The following NCBP2 variants were observed in gnomAD, a reference collection of about 807,000 sequenced individuals.
NCBP2 encodes the protein nuclear cap-binding protein subunit 2.
In NCBP2, 8 loss-of-function variants were observed where a neutral mutation model predicts 21.5. The ratio of observed to expected loss-of-function variants is 0.37; its 90% CI spans 0.22 to 0.67. The LOEUF (loss-of-function observed/expected upper bound fraction) is 0.67, where lower values mean the gene tolerates loss of function less well. NCBP2 is among the 30% of genes least tolerant of loss of function. The pLI, the probability that NCBP2 is intolerant of heterozygous loss-of-function variation, is 0.56. For missense variants in NCBP2, 127 were observed against 206.9 expected (o/e 0.61, Z 2.37); for synonymous variants, 92 against 75.8 (o/e 1.21, Z -1.11).
At chr3:196,941,714 C>A (rs1349886839) in intron 1 of NCBP2, 32 of 601,028 alleles carry the variant, frequency 5.3e-5, no homozygotes, top group Non-Finnish European at 8.4e-5. Context: ...CCTACCTCCG[C>A]TGATACTGAA....
At position 196,942,466 on chromosome 3, in the gene NCBP2, G is replaced by A; in HGVS notation, c.38C>T (p.Ser13Phe). Residue 13 changes from serine (S) to phenylalanine (F), a missense_variant, in exon 1 of 4, where the codon TCC becomes TTC. Ser to Phe is a radical substitution (Grantham distance 155). Coordinates refer to ENST00000321256, the MANE Select transcript of NCBP2 (RefSeq NM_007362.5). ...GGLLKALRSD[S>F]YVELSQYRDQ... ...CCGGTACTGGCTCAGCTCCACGTAG[G>A]AGTCGCTGCGCAGCGCCTTCAGGAG... The A allele has an allele frequency of 6.2e-7, 1 of 1,613,312 alleles. No individual in the cohort carries two copies. Among genetic ancestry groups the A allele is most frequent in the Non-Finnish European group, 8.5e-7 (1 of 1,179,948 alleles).
Position 196,937,213 on chromosome 3 carries a change from T to A in NCBP2, c.400-131A>T, listed in dbSNP as rs565540624. The stretch of plus-strand genomic sequence containing the variant: ...ATGTGAACATTTCAAGCAGGACATA[T>A]GCACTTCAGCTCACTTCAGTGCGTT... On this transcript the variant is annotated intron_variant, in intron 3 of 3. Transcript: ENST00000321256. The A allele has an allele frequency of 3.7e-5, 35 of 953,552 alleles. No individual in the cohort carries two copies. In the African/African-American group the frequency reaches 4.8e-4, roughly 13 times the overall value. 59.1% of individuals were successfully genotyped at this position (953,552 alleles called of 1,614,324 possible). A position where few individuals can be genotyped will look rare whatever the true frequency, so the allele number is the denominator to read the frequency against.
intron 2 of NCBP2, 197 bp from the exon 3 acceptor site, chr3:196,937,845 GC>G: frequency 1.7e-6 from 1 of 596,116 alleles, no homozygotes; most frequent in Non-Finnish European, 2.9e-6. Context: ...CGTATCCATG[GC>G]TACACTGATC....
rs907074213 is a variant in NCBP2, at chr3:196,935,743, A to T, written c.*1268T>A. The T allele has an allele frequency of 1.2e-4, 18 of 152,148 alleles. No homozygotes were observed. Among genetic ancestry groups the T allele is most frequent in the Non-Finnish European group, 1.8e-4 (12 of 68,040 alleles). 9.4% of individuals were successfully genotyped at this position (152,148 alleles called of 1,614,324 possible). A position where few individuals can be genotyped will look rare whatever the true frequency, so the allele number is the denominator to read the frequency against. ...TTGTTGCTAAGTGAAAAAAATGCAC[A>T]TTTTTTCATATCAGGGAAAATTATA... On this transcript the variant is annotated 3_prime_UTR_variant, in exon 4 of 4. Transcript: ENST00000321256.
At chr3:196,938,015 A>T (rs1716347270) in intron 2 of NCBP2, 1 of 186,970 alleles carries the variant, frequency 5.3e-6, no homozygotes, top group Non-Finnish European at 1.1e-5. Flanking sequence ...AGAGAAGGTC[A>T]CCGTGCACGT....
Position 196,936,671 on chromosome 3 carries a change from T to C in NCBP2, c.*340A>G, listed in dbSNP as rs1196006594. ...TCATGAACCTACTTAAGACTCATTA[T>C]GGTAAAAACAAATTCTTACATTTTT... On this transcript the variant is annotated 3_prime_UTR_variant, in exon 4 of 4. Coordinates refer to ENST00000321256, the MANE Select transcript of NCBP2 (RefSeq NM_007362.5). The C allele has an allele frequency of 6.5e-6, 2 of 308,062 alleles. No homozygotes were observed. The highest frequency in any genetic ancestry group is 7.7e-5 in the East Asian group (1 of 13,064). The allele number at this position is 308,062 out of a possible 1,614,324, so 19.1% of individuals were successfully genotyped here.
chr3:196,937,299 A>G (rs1342584856), intron 3 of NCBP2: 1 of 803,218 alleles, frequency 1.2e-6, no homozygotes, highest in African/African-American at 1.7e-5. Flanking sequence ...GAAGTTCAAG[A>G]ATGGTTGCTT....
At chr3:196,941,961 T>G in intron 1 of NCBP2, 1 of 1,536,260 alleles carries the variant, frequency 6.5e-7, no homozygotes, top group Non-Finnish European at 8.7e-7. Flanking sequence ...AACACCATCC[T>G]CCCAGAGAAG....
intron 3 of NCBP2, 162 bp from the exon 4 acceptor site, chr3:196,937,244 T>C: frequency 1.2e-6 from 1 of 825,800 alleles, no homozygotes. Context: ...GCGTTTTGCT[T>C]TCATTTTAGA....
In NCBP2 at chr3:196,942,404, C is replaced by G. The variant is rs1226841620; in HGVS notation, c.78+22G>C. 3 of 1,609,496 alleles carry G rather than the reference C, an allele frequency of 1.9e-6. No individual in the cohort carries two copies. The African/African-American group carries it at 4.0e-5, about 21-fold the overall frequency. Reference sequence around the variant, plus strand: ...GCGTTCTTGCCCAGGGCCTTCCCGTCTCGCGGCCCGGCCTCCCTCACCCGG... The same window carrying G: ...GCGTTCTTGCCCAGGGCCTTCCCGTGTCGCGGCCCGGCCTCCCTCACCCGG... On this transcript the variant is annotated intron_variant, in intron 1 of 3. Coordinates refer to ENST00000321256, the MANE Select transcript of NCBP2 (RefSeq NM_007362.5).
Position 196,942,101 on chromosome 3 carries a change from G to C in NCBP2, c.78+325C>G, listed in dbSNP as rs73891595. Reference sequence around the variant, plus strand: ...GGGCACCCCTCCCCCTTGCTACGTAGTCGTCTGCGGAGGCACAACCGTGGA... The same window carrying C: ...GGGCACCCCTCCCCCTTGCTACGTACTCGTCTGCGGAGGCACAACCGTGGA... On this transcript the variant is annotated intron_variant, in intron 1 of 3. Transcript: ENST00000321256. The C allele has an allele frequency of 1.5e-3, 2,264 of 1,487,814 alleles. 25 individuals carry two copies. In the African/African-American group the frequency reaches 0.029, roughly 19 times the overall value. The allele number at this position is 1,487,814 out of a possible 1,614,324, so 92.2% of individuals were successfully genotyped here. A position where few individuals can be genotyped will look rare whatever the true frequency, so the allele number is the denominator to read the frequency against.
In NCBP2 at chr3:196,939,186, T is replaced by C. The variant is rs750852159; in HGVS notation, c.260+65A>G. ...AACGTAGGGACGAGTGCAGGGACGC[T>C]TATGAGCTACCACTCTCAGCTCTAC... On this transcript the variant is annotated intron_variant, in intron 2 of 3. Coordinates refer to ENST00000321256, the MANE Select transcript of NCBP2 (RefSeq NM_007362.5). The C allele has an allele frequency of 7.5e-6, 11 of 1,459,238 alleles. No homozygotes were observed. In the East Asian group the frequency reaches 2.0e-4, roughly 27 times the overall value. The allele number at this position is 1,459,238 out of a possible 1,614,324, so 90.4% of individuals were successfully genotyped here.
intron 2 of NCBP2, chr3:196,938,525 A>G (rs940869496): frequency 1.3e-5 from 2 of 152,262 alleles, no homozygotes; most frequent in African/African-American, 4.8e-5. Context: ...CAATACTTAA[A>G]AGAGTCTGAG....
chr3:196,941,577 G>C lies in NCBP2; in HGVS notation c.78+849C>G, dbSNP rs1335501612. ...CTACAGGGGATTATGAGCTCGCAGA[G>C]CGCAGAAACTGTCTTCCCTCTCCCT... On this transcript the variant is annotated intron_variant, in intron 1 of 3. Coordinates refer to ENST00000321256, the MANE Select transcript of NCBP2 (RefSeq NM_007362.5). 1.1e-5 allele frequency: 4 copies of C among 363,930 alleles called. 1 individual carries two copies. The highest frequency in any genetic ancestry group is 2.0e-5 in the Non-Finnish European group (4 of 199,676). The allele number at this position is 363,930 out of a possible 1,614,324, so 22.5% of individuals were successfully genotyped here. A position where few individuals can be genotyped will look rare whatever the true frequency, so the allele number is the denominator to read the frequency against.
chr3:196,938,184 G>T (rs2108879297), intron 2 of NCBP2: 1 of 152,458 alleles, frequency 6.6e-6, no homozygotes, highest in South Asian at 2.1e-4. Context: ...AAACCATCTG[G>T]AGAAACTAGT....
At chr3:196,940,802 G>A (rs1716509801) in intron 1 of NCBP2, among the ~76,000 whole-genome samples, 1 of 152,256 alleles carries the variant, frequency 6.6e-6, no homozygotes, top group Non-Finnish European at 1.5e-5. Flanking sequence ...AGTGGTAGAA[G>A]TGCAAATCAT....
chr3:196,936,176 GC>G lies in NCBP2; in HGVS notation c.*834del, dbSNP rs1408320153. ...GAGGTTCCCTCTATGACAAACCCTT[GC>G]TTTTTTTTAGCTTTAGGTATAACAC... On this transcript the variant is annotated 3_prime_UTR_variant, in exon 4 of 4. Coordinates refer to ENST00000321256, the MANE Select transcript of NCBP2 (RefSeq NM_007362.5). 6.6e-6 allele frequency: 1 copy of G among 152,002 alleles called. No individual in the cohort carries two copies. The highest frequency in any genetic ancestry group is 2.4e-5 in the African/African-American group (1 of 41,388). 9.4% of individuals were successfully genotyped at this position (152,002 alleles called of 1,614,324 possible).
Position 196,936,942 on chromosome 3 carries a change from T to C in NCBP2, c.*69A>G. The C allele has an allele frequency of 6.9e-7, 1 of 1,439,550 alleles. No homozygotes were observed. The highest frequency in any genetic ancestry group is 9.8e-7 in the Non-Finnish European group (1 of 1,020,786). 89.2% of individuals were successfully genotyped at this position (1,439,550 alleles called of 1,614,324 possible). On this transcript the variant is annotated 3_prime_UTR_variant, in exon 4 of 4. Coordinates refer to ENST00000321256, the MANE Select transcript of NCBP2 (RefSeq NM_007362.5). ...GGTAAAAATGGGCTCGTGTGCAGACTTTAGGTGATGTTCTTCAGCAAATTC... is the reference window on the plus strand; with the variant it reads ...GGTAAAAATGGGCTCGTGTGCAGACCTTAGGTGATGTTCTTCAGCAAATTC...
intron 1 of NCBP2, chr3:196,941,409 A>C (rs993267230): frequency 1.9e-5 from 3 of 154,902 alleles, no homozygotes; most frequent in African/African-American, 7.2e-5. Flanking sequence ...TAAATCTAAG[A>C]GCTTCCCTAA....
Sources: allele counts gnomAD v4.1 joint callset (sites outside exome capture counted in the v4.1 genomes callset), GRCh38; gene constraint gnomAD v4.1.1; transcripts MANE v1.5; gene names NCBI Gene and HGNC (gene_info 2026-07-23, HGNC 2026-07-21).